Variants in TNKS observed in about 807,000 individuals in gnomAD.
TNKS encodes tankyrase, also known as poly [ADP-ribose] polymerase tankyrase-1.
TNKS carries 72 observed loss-of-function variants against 135.8 expected under a neutral mutation model. That is an observed-to-expected ratio of 0.53 (90% CI 0.44 to 0.64). The LOEUF (loss-of-function observed/expected upper bound fraction) is 0.64, where lower values mean the gene tolerates loss of function less well. Ranked by LOEUF, TNKS falls within the 30% of genes least tolerant of loss-of-function variation. The pLI, the probability that TNKS is intolerant of heterozygous loss-of-function variation, is 0.00. For synonymous variants in TNKS, 849 were observed against 649.3 expected, an observed-to-expected ratio of 1.31 and a Z score of -4.68; for missense variants, 1,769 against 1,674.0, an observed-to-expected ratio of 1.06 and a Z score of -0.99.
chr8:9,632,746 T>C (rs1381338664), intron 3 of TNKS, among the ~76,000 whole-genome samples: 3 of 152,236 alleles, frequency 2.0e-5, no homozygotes, highest in South Asian at 2.1e-4. Flanking sequence ...CTTTCCTTTT[T>C]TGAGATGGAG....
chr8:9,606,658 TAAC>T (rs1799232603), intron 2 of TNKS, among the ~76,000 whole-genome samples: 1 of 152,156 alleles, frequency 6.6e-6, no homozygotes, highest in Admixed American at 6.5e-5. Context: ...CTTTGCTAAC[TAAC>T]CCTAACACAT....
chr8:9,777,042 G>A lies in TNKS; in HGVS notation c.*306G>A. 3.0e-6 allele frequency: 1 copy of A among 329,190 alleles called. No individual in the cohort carries two copies. The highest frequency in any genetic ancestry group is 5.6e-6 in the Non-Finnish European group (1 of 177,152). 20.4% of individuals were successfully genotyped at this position (329,190 alleles called of 1,614,324 possible). ...ATCTAGACTTGGAAATGGAAAATAAGAAAACCAATGCTTTTTCAAATGTTC... is the reference window on the plus strand; with the variant it reads ...ATCTAGACTTGGAAATGGAAAATAAAAAAACCAATGCTTTTTCAAATGTTC... On this transcript the variant is annotated 3_prime_UTR_variant, in exon 27 of 27. Coordinates refer to ENST00000310430, the MANE Select transcript of TNKS (RefSeq NM_003747.3).
intron 3 of TNKS, among the ~76,000 whole-genome samples, chr8:9,656,704 G>A (rs566291806): frequency 1.3e-5 from 2 of 150,518 alleles, no homozygotes; most frequent in South Asian, 4.2e-4. Flanking sequence ...AATAGTGGAG[G>A]GAAGGTCAGC....
At chr8:9,594,224 A>G (rs1325313424) in intron 2 of TNKS, among the ~76,000 whole-genome samples, 1 of 152,170 alleles carries the variant, frequency 6.6e-6, no homozygotes, top group Non-Finnish European at 1.5e-5. Flanking sequence ...TTGAAGGTTA[A>G]CAACTTTCTG....
chr8:9,721,497 C>G (rs1331232146), intron 12 of TNKS, among the ~76,000 whole-genome samples: 1 of 151,570 alleles, frequency 6.6e-6, no homozygotes, highest in Non-Finnish European at 1.5e-5. Flanking sequence ...TCTTTCCTAA[C>G]CTTTTAATTT....
At chr8:9,625,311 T>C (rs927880719) in intron 3 of TNKS, among the ~76,000 whole-genome samples, 49 of 152,184 alleles carry the variant, frequency 3.2e-4, no homozygotes, top group African/African-American at 1.1e-3. Flanking sequence ...TTTCTCCTTT[T>C]CTTTGTCAAT....
intron 1 of TNKS, chr8:9,575,078 C>T (rs1431026516): frequency 1.0e-6 from 1 of 984,716 alleles, no homozygotes; most frequent in Non-Finnish European, 1.2e-6. Context: ...ACAAGTGAAT[C>T]TCTCCATTAT....
At chr8:9,600,441 G>A (rs1247584701) in intron 2 of TNKS, among the ~76,000 whole-genome samples, 1 of 152,040 alleles carries the variant, frequency 6.6e-6, no homozygotes, top group African/African-American at 2.4e-5. Context: ...AGCTTCCCAA[G>A]TAGCTGGGAG....
At chr8:9,648,787 C>T (rs1470178783) in intron 3 of TNKS, among the ~76,000 whole-genome samples, 1 of 152,090 alleles carries the variant, frequency 6.6e-6, no homozygotes, top group Non-Finnish European at 1.5e-5. Context: ...CATGACTGTA[C>T]CTGTTCCCCT....
chr8:9,648,172 G>C (rs1306882241), intron 3 of TNKS, among the ~76,000 whole-genome samples: 1 of 152,118 alleles, frequency 6.6e-6, no homozygotes, highest in Non-Finnish European at 1.5e-5. Context: ...CACTACTATA[G>C]ACTTCATAAA....
At chr8:9,756,585 T>C (rs1302222096) in intron 20 of TNKS, among the ~76,000 whole-genome samples, 1 of 152,122 alleles carries the variant, frequency 6.6e-6, no homozygotes, top group African/African-American at 2.4e-5. Context: ...GTCTAACAGC[T>C]GATAGGGGTA....
intron 2 of TNKS, among the ~76,000 whole-genome samples, chr8:9,589,876 C>G (rs1798527859): frequency 6.6e-6 from 1 of 152,236 alleles, no homozygotes; most frequent in African/African-American, 2.4e-5. Context: ...TAATATGTTT[C>G]TATAGCTGTC....
chr8:9,596,726 C>G (rs1267604779), intron 2 of TNKS, among the ~76,000 whole-genome samples: 1 of 152,190 alleles, frequency 6.6e-6, no homozygotes, highest in Non-Finnish European at 1.5e-5. Flanking sequence ...CTGAAAATTT[C>G]TAAATTTACT....
At chr8:9,587,438 C>T (rs1426055339) in intron 2 of TNKS, among the ~76,000 whole-genome samples, 7 of 149,294 alleles carry the variant, frequency 4.7e-5, no homozygotes, top group Non-Finnish European at 1.0e-4. Context: ...CTCGCTCTGT[C>T]GCCCAGGCTG....
chr8:9,730,917 T>C lies in TNKS; in HGVS notation c.2029T>C (p.Cys677Arg), dbSNP rs144777175. Residue 677 changes from cysteine (C) to arginine (R), a missense_variant, in exon 14 of 27, where the codon TGT becomes CGT. By Grantham distance (180) the Cys-to-Arg change is radical. Around this residue, in one of 5 missense-constraint regions of TNKS, gnomAD observed 523 missense variants for 541.0 expected, o/e 0.97. Coordinates refer to ENST00000310430, the MANE Select transcript of TNKS (RefSeq NM_003747.3). The part of the protein sequence containing the change: ...KQLCSSQNVN[C>R]RDLEGRHSTP... ...ACTTTGCAGCTCTCAAAATGTGAATTGTAGAGACTTAGAGGGCCGGCATTC... is the reference window on the plus strand; with the variant it reads ...ACTTTGCAGCTCTCAAAATGTGAATCGTAGAGACTTAGAGGGCCGGCATTC... 1.2e-6 allele frequency: 2 copies of C among 1,613,638 alleles called. No homozygotes were observed. The highest frequency in any genetic ancestry group is 1.3e-5 in the African/African-American group (1 of 74,908).
chr8:9,563,286 A>G (rs887342535), intron 1 of TNKS, among the ~76,000 whole-genome samples: 2 of 152,066 alleles, frequency 1.3e-5, no homozygotes, highest in Non-Finnish European at 2.9e-5. Flanking sequence ...ATTAAAAAAT[A>G]TATATCTTCT....
intron 3 of TNKS, among the ~76,000 whole-genome samples, chr8:9,632,803 C>T (rs1007226748): frequency 1.2e-4 from 18 of 152,322 alleles, no homozygotes; most frequent in Middle Eastern, 6.8e-3. Context: ...GATCTCAGCT[C>T]GCTGCAAGCT....
chr8:9,746,594 T>C (rs1806247447), intron 17 of TNKS, among the ~76,000 whole-genome samples: 1 of 152,204 alleles, frequency 6.6e-6, no homozygotes. Context: ...CTTTCTGTAT[T>C]CCTTTCCTTA....
chr8:9,734,725 T>C (rs1242722768), intron 15 of TNKS, 140 bp from the exon 16 acceptor site: 9 of 680,370 alleles, frequency 1.3e-5, no homozygotes, highest in East Asian at 5.5e-5. Context: ...AGTAGGAATT[T>C]TGCAAAGTGT....
Sources: allele counts gnomAD v4.1 joint callset (sites outside exome capture counted in the v4.1 genomes callset), GRCh38; gene constraint gnomAD v4.1.1; regional missense constraint gnomAD v4.1.1; transcripts MANE v1.5; gene names NCBI Gene and HGNC (gene_info 2026-07-23, HGNC 2026-07-21).